SAMMSON: variants seen among roughly 807,000 people sequenced by gnomAD.
The protein encoded by SAMMSON is survival associated mitochondrial melanoma specific oncogenic non-coding RNA.
chr3:70,266,036 T>G (rs901191040), intron 6 of SAMMSON, among the ~76,000 whole-genome samples: 97 of 152,284 alleles, frequency 6.4e-4, no homozygotes, highest in African/African-American at 2.3e-3. Context: ...ACCAAAAAAG[T>G]TTGCTTATTC....
chr3:70,308,150 C>G (rs1376118836), intron 7 of SAMMSON, among the ~76,000 whole-genome samples: 1 of 152,178 alleles, frequency 6.6e-6, no homozygotes, highest in East Asian at 1.9e-4. Flanking sequence ...CTCCCAGGCT[C>G]AAGCAATCTC....
intron 9 of SAMMSON, among the ~76,000 whole-genome samples, chr3:70,367,426 A>G (rs565025029): frequency 2.6e-4 from 40 of 151,638 alleles, no homozygotes; most frequent in Admixed American, 2.4e-3. Flanking sequence ...TCAACTTAAA[A>G]CAAAGAGATC....
chr3:70,199,021 A>G (rs995323812), intron 4 of SAMMSON, among the ~76,000 whole-genome samples: 1 of 152,228 alleles, frequency 6.6e-6, no homozygotes, highest in Non-Finnish European at 1.5e-5. Flanking sequence ...CTGCACTGGC[A>G]AAGAAGAGGC....
chr3:70,182,940 A>G (rs1463670814), intron 4 of SAMMSON, among the ~76,000 whole-genome samples: 1 of 152,180 alleles, frequency 6.6e-6, no homozygotes, highest in Non-Finnish European at 1.5e-5. Flanking sequence ...TAATGATGCA[A>G]ACGAAAAAGA....
intron 4 of SAMMSON, among the ~76,000 whole-genome samples, chr3:70,105,850 G>A (rs557223111): frequency 2.0e-5 from 3 of 152,152 alleles, no homozygotes; most frequent in African/African-American, 4.8e-5. Flanking sequence ...TTGAACACTC[G>A]AATCAAACAA....
intron 4 of SAMMSON, among the ~76,000 whole-genome samples, chr3:70,211,560 TGCCCTTCCCTTCCCTTC>T (rs2106729101): frequency 3.8e-5 from 1 of 26,074 alleles, no homozygotes; most frequent in East Asian, 2.5e-3. Context: ...CCCTTCCCTT[TGCCCTTCCCTTCCCTTC>T]CCTTCCTTTC....
At chr3:70,008,057 T>C (rs1033615249) in intron 1 of SAMMSON, among the ~76,000 whole-genome samples, 4 of 152,144 alleles carry the variant, frequency 2.6e-5, no homozygotes, top group African/African-American at 7.2e-5. Flanking sequence ...AGTCTTGTAG[T>C]GTAGTTTGAA....
chr3:70,226,110 C>G (rs114960714), intron 4 of SAMMSON, among the ~76,000 whole-genome samples: 2,774 of 152,232 alleles, frequency 0.018, 92 homozygotes, highest in African/African-American at 0.062. Context: ...TCAGAAAACA[C>G]ATACAACATC....
intron 6 of SAMMSON, among the ~76,000 whole-genome samples, chr3:70,260,395 A>G (rs1021413727): frequency 3.3e-5 from 5 of 152,154 alleles, no homozygotes; most frequent in African/African-American, 1.2e-4. Context: ...TACATCTGCA[A>G]CAACCCTATT....
intron 4 of SAMMSON, among the ~76,000 whole-genome samples, chr3:70,236,367 A>G (rs983888360): frequency 6.6e-6 from 1 of 152,072 alleles, no homozygotes; most frequent in African/African-American, 2.4e-5. Flanking sequence ...CTTCTTGTAT[A>G]TTTTATGTAT....
At chr3:70,331,793 T>C (rs1702623608) in intron 7 of SAMMSON, among the ~76,000 whole-genome samples, 1 of 152,220 alleles carries the variant, frequency 6.6e-6, no homozygotes, top group Non-Finnish European at 1.5e-5. Flanking sequence ...TCCATTTGAT[T>C]CTATTCACAG....
At chr3:70,098,566 A>G (rs1344631281) in intron 4 of SAMMSON, among the ~76,000 whole-genome samples, 3 of 151,960 alleles carry the variant, frequency 2.0e-5, no homozygotes, top group African/African-American at 7.3e-5. Flanking sequence ...ACGGGGTTTC[A>G]CCATCTTGGC....
chr3:70,154,782 A>G (rs1325406440), intron 4 of SAMMSON, among the ~76,000 whole-genome samples: 1 of 152,056 alleles, frequency 6.6e-6, no homozygotes, highest in African/African-American at 2.4e-5. Flanking sequence ...GTAGTCACTT[A>G]TGGTGGAATC....
rs531427849 is a variant in SAMMSON at position 70,177,844 on chromosome 3, G to A, written n.508-71263G>A. 1.4e-4 allele frequency among the ~76,000 whole-genome samples: 21 copies of A among 152,138 alleles called. No individual in the cohort carries two copies. The South Asian group carries it at 1.7e-3, about 12-fold the overall frequency. ...TCAAGTGTCCACTTATGGTACCGCCGGCAACTTTTAGTGTAAGGAGATCCT... is the reference window on the plus strand; with the variant it reads ...TCAAGTGTCCACTTATGGTACCGCCAGCAACTTTTAGTGTAAGGAGATCCT... On this transcript the variant is annotated intron_variant and non_coding_transcript_variant, in intron 4 of 9. Transcript: ENST00000642114.
At chr3:70,274,980 T>C (rs531902361) in intron 6 of SAMMSON, among the ~76,000 whole-genome samples, 1 of 152,250 alleles carries the variant, frequency 6.6e-6, no homozygotes, top group South Asian at 2.1e-4. Flanking sequence ...AAACTATTTA[T>C]CTGTGAGAAT....
intron 4 of SAMMSON, among the ~76,000 whole-genome samples, chr3:70,175,051 T>A (rs1700999961): frequency 6.6e-6 from 1 of 152,130 alleles, no homozygotes; most frequent in East Asian, 1.9e-4. Context: ...TTGGCTTAAG[T>A]AATAAGAAAA....
rs948987090 is a variant in SAMMSON at position 70,125,878 on chromosome 3, T to C, written n.507+54313T>C. On this transcript the variant is annotated intron_variant and non_coding_transcript_variant, in intron 4 of 9. Transcript: ENST00000642114. ...CTGTTGGTCCTCATCATCACTGCTG[T>C]CATCTTCTAATTCTTCACTAGATAA... The C allele has an allele frequency of 1.2e-5, 8 of 686,226 alleles. No individual in the cohort carries two copies. In the African/African-American group the frequency reaches 1.4e-4, roughly 12 times the overall value. 42.5% of individuals were successfully genotyped at this position (686,226 alleles called of 1,614,324 possible).
intron 4 of SAMMSON, among the ~76,000 whole-genome samples, chr3:70,114,369 A>G (rs1261838428): frequency 3.3e-5 from 5 of 152,230 alleles, no homozygotes; most frequent in Non-Finnish European, 5.9e-5. Context: ...AAAATATTTG[A>G]TAAGTTTCTT....
rs1365895971 is a variant in SAMMSON at position 70,274,764 on chromosome 3, AT to A, written n.675-16414del. On this transcript the variant is annotated intron_variant and non_coding_transcript_variant, in intron 6 of 9. Coordinates refer to ENST00000642114, the Ensembl canonical transcript of SAMMSON. ...ATGTACCTTGGAACTTAAAACAAATATAAAAATATTTTAAAAAGGAAACTTC... is the reference window on the plus strand; with the variant it reads ...ATGTACCTTGGAACTTAAAACAAATAAAAAATATTTTAAAAAGGAAACTTC... Among the ~76,000 whole-genome samples the A allele has an allele frequency of 1.2e-4, 18 of 152,198 alleles. 1 individual carries two copies. The highest frequency in any genetic ancestry group is 1.2e-3 in the Admixed American group (18 of 15,270).
Sources: gnomAD v4.1 joint callset for allele counts (sites outside exome capture counted in the v4.1 genomes callset) on GRCh38, gnomAD v4.1.1 for gene constraint, MANE v1.5 for transcripts, NCBI Gene and HGNC (gene_info 2026-07-23, HGNC 2026-07-21) for gene names.